FAM228B: variants seen among roughly 807,000 people sequenced by gnomAD.
The protein encoded by FAM228B is family with sequence similarity 228 member B.
Under a neutral mutation model 42.6 loss-of-function variants are expected in FAM228B, and 38 were observed. The observed-to-expected ratio is 0.89, with a 90% CI of 0.69 to 1.17. The LOEUF is 1.17. Among genes scored for constraint, FAM228B ranks in the 50% most tolerant of loss-of-function variants. The pLI is 0.00. For missense variants in FAM228B, 344 were observed against 367.3 expected, an observed-to-expected ratio of 0.94 and a Z score of 0.52; for synonymous variants, 109 against 122.3, an observed-to-expected ratio of 0.89 and a Z score of 0.72.
intron 7 of FAM228B, among the ~76,000 whole-genome samples, chr2:24,156,777 C>T (rs911202043): frequency 1.4e-3 from 29 of 21,150 alleles, no homozygotes; most frequent in East Asian, 3.9e-3. Context: ...TCTTTCCGCC[C>T]CCCCCCCCCC....
chr2:24,108,117 C>G (rs74770362), intron 3 of FAM228B, among the ~76,000 whole-genome samples: 7,614 of 152,198 alleles, frequency 0.05, 241 homozygotes, highest in East Asian at 0.072. Context: ...CACAGAAATA[C>G]AAAACACCTT....
At chr2:24,083,844 T>C (rs1163792466) in intron 2 of FAM228B, among the ~76,000 whole-genome samples, 1 of 152,140 alleles carries the variant, frequency 6.6e-6, no homozygotes, top group Non-Finnish European at 1.5e-5. Context: ...GGCGTACTGC[T>C]TAACCTCACT....
chr2:24,146,414 A>G (rs374611296), intron 5 of FAM228B, among the ~76,000 whole-genome samples: 1 of 152,206 alleles, frequency 6.6e-6, no homozygotes, highest in African/African-American at 2.4e-5. Flanking sequence ...AGATGAATAT[A>G]TGGATATATT....
intron 5 of FAM228B, among the ~76,000 whole-genome samples, chr2:24,145,190 G>A (rs1364194080): frequency 1.3e-5 from 2 of 152,132 alleles, no homozygotes; most frequent in African/African-American, 2.4e-5. Context: ...ACCTGAACCC[G>A]TAACACCGGT....
chr2:24,110,765 TC>T (rs201555330), intron 3 of FAM228B, among the ~76,000 whole-genome samples: 103 of 151,578 alleles, frequency 6.8e-4, no homozygotes, highest in African/African-American at 2.4e-3. Context: ...GTCATGGGAC[TC>T]CCCCCCCAAA....
At chr2:24,108,941 T>C (rs1665744500) in intron 3 of FAM228B, among the ~76,000 whole-genome samples, 1 of 150,176 alleles carries the variant, frequency 6.7e-6, no homozygotes, top group South Asian at 2.1e-4. Context: ...GAAATTCATA[T>C]GGAACCAAAA....
chr2:24,164,312 G>C lies in FAM228B; in HGVS notation c.909G>C (p.Gln303His). ...EGYFSSLSLS[Q>H]EREEDQDGSP... ...ATTTTTCTTCCTTGAGCCTCAGCCA[G>C]GAACGGGAGGAAGACCAGGATGGGT... Residue 303 changes from glutamine to histidine, a missense_variant, in exon 9 of 11, where the codon CAG becomes CAC. Gln to His is a conservative substitution (Grantham distance 24, BLOSUM62 0). Coordinates refer to ENST00000615575, the MANE Select transcript of FAM228B (RefSeq NM_001145710.2). 1 of 1,550,912 alleles carries C rather than the reference G, an allele frequency of 6.4e-7. No individual in the cohort carries two copies. The highest frequency in any genetic ancestry group is 2.4e-5 in the East Asian group (1 of 40,882).
intron 7 of FAM228B, 64 bp downstream of exon 7, chr2:24,147,150 T>A: frequency 8.9e-7 from 1 of 1,126,432 alleles, no homozygotes; most frequent in Non-Finnish European, 1.2e-6. Context: ...CAGACTGATA[T>A]AACATTTTTC....
chr2:24,121,326 G>A (rs372130928), upstream of FAM228B: 6 of 1,602,828 alleles, frequency 3.7e-6, no homozygotes, highest in African/African-American at 2.7e-5. Context: ...GGTTAGAGCA[G>A]GAGTCAGCCA....
chr2:24,129,459 TC>T (rs1328557724), intron 2 of FAM228B, among the ~76,000 whole-genome samples: 1 of 152,156 alleles, frequency 6.6e-6, no homozygotes, highest in East Asian at 1.9e-4. Flanking sequence ...TGCAACTCTA[TC>T]CATTTGCTGA....
intron 2 of FAM228B, chr2:24,085,361 G>T (rs903878385): frequency 6.6e-6 from 1 of 152,152 alleles, no homozygotes; most frequent in Non-Finnish European, 1.5e-5. Context: ...CTACATGAAG[G>T]TTTCTCAATC....
chr2:24,106,509 A>G (rs1429161324), intron 3 of FAM228B, among the ~76,000 whole-genome samples: 1 of 151,726 alleles, frequency 6.6e-6, no homozygotes, highest in African/African-American at 2.4e-5. Context: ...TAGTAGAGAC[A>G]GGGTTTTGCT....
intron 2 of FAM228B, among the ~76,000 whole-genome samples, chr2:24,093,516 G>A (rs566807589): frequency 6.6e-6 from 1 of 152,250 alleles, no homozygotes; most frequent in African/African-American, 2.4e-5. Context: ...ATTCCATGGT[G>A]TATATGTATC....
intron 2 of FAM228B, among the ~76,000 whole-genome samples, chr2:24,081,288 GA>G (rs1050854379): frequency 4.6e-5 from 7 of 152,144 alleles, no homozygotes; most frequent in African/African-American, 1.7e-4. Context: ...GGCTAAAGTG[GA>G]AAACAGCCTT....
intron 7 of FAM228B, among the ~76,000 whole-genome samples, chr2:24,153,818 A>G (rs1667072763): frequency 6.6e-6 from 1 of 152,202 alleles, no homozygotes; most frequent in African/African-American, 2.4e-5. Flanking sequence ...AAATTTACCT[A>G]GGAGCCCAGG....
chr2:24,093,406 G>T (rs1014799701), intron 2 of FAM228B, among the ~76,000 whole-genome samples: 1 of 151,944 alleles, frequency 6.6e-6, no homozygotes, highest in African/African-American at 2.4e-5. Flanking sequence ...GCGCTATTTG[G>T]TTTTCTCTTC....
At chr2:24,090,090 G>A (rs552426951) in intron 2 of FAM228B, among the ~76,000 whole-genome samples, 1 of 151,352 alleles carries the variant, frequency 6.6e-6, no homozygotes. Context: ...TGGCTAACAT[G>A]GTGTATTTCT....
intron 8 of FAM228B, among the ~76,000 whole-genome samples, chr2:24,163,330 T>A (rs1667325306): frequency 6.6e-6 from 1 of 152,178 alleles, no homozygotes; most frequent in Admixed American, 6.5e-5. Flanking sequence ...CCTGAGGACC[T>A]TAGTGATGTA....
intron 7 of FAM228B, among the ~76,000 whole-genome samples, chr2:24,147,781 T>C (rs887981229): frequency 1.3e-5 from 2 of 152,230 alleles, no homozygotes; most frequent in Non-Finnish European, 2.9e-5. Flanking sequence ...ATGCATGTTG[T>C]CCACCTTTTC....
Sources: gnomAD v4.1 joint callset for allele counts (sites outside exome capture counted in the v4.1 genomes callset) on GRCh38, gnomAD v4.1.1 for gene constraint, MANE v1.5 for transcripts, NCBI Gene and HGNC (gene_info 2026-07-23, HGNC 2026-07-21) for gene names.